RGS6: variants seen among roughly 807,000 people sequenced by gnomAD.
RGS6 encodes the protein regulator of G-protein signaling 6.
A neutral mutation model predicts 78.5 loss-of-function variants in RGS6; 30 were observed. That is an observed-to-expected ratio of 0.38 (90% CI 0.29 to 0.52). The LOEUF (loss-of-function observed/expected upper bound fraction) is 0.52. RGS6 is among the 20% of genes least tolerant of loss of function. The pLI, the probability that RGS6 is intolerant of heterozygous loss-of-function variation, is 0.85. For missense variants in RGS6, 495 were observed against 609.7 expected (o/e 0.81, Z 1.98); for synonymous variants, 206 against 206.0 (o/e 1.00, Z 0.00).
At chr14:72,545,687 G>A (rs1248940352) in intron 17 of RGS6, among the ~76,000 whole-genome samples, 1 of 152,186 alleles carries the variant, frequency 6.6e-6, no homozygotes, top group Non-Finnish European at 1.5e-5. Flanking sequence ...GGATAGACTT[G>A]AGTTGGGTGT....
At chr14:72,458,474 G>GCTACTCCCTC in intron 5 of RGS6, 97 bp downstream of exon 5, 5 of 930,942 alleles carry the variant, frequency 5.4e-6, no homozygotes, top group Non-Finnish European at 8.4e-6. Flanking sequence ...ATATCTGAGG[G>GCTACTCCCTC]AGTAGCCCTC....
At chr14:72,522,091 C>G (rs2031978890) in intron 15 of RGS6, among the ~76,000 whole-genome samples, 2 of 152,294 alleles carry the variant, frequency 1.3e-5, no homozygotes, top group African/African-American at 4.8e-5. Context: ...ATAGCACACA[C>G]TGGGTGGCTT....
intron 3 of RGS6, among the ~76,000 whole-genome samples, chr14:72,398,507 T>C (rs1368042006): frequency 6.6e-6 from 1 of 152,222 alleles, no homozygotes. Flanking sequence ...AACCAGCTCC[T>C]GGATTCATTG....
the RGS6 span, among the ~76,000 whole-genome samples, chr14:72,609,408 C>T: frequency 2.0e-5 from 3 of 152,210 alleles, no homozygotes; most frequent in African/African-American, 7.2e-5. Flanking sequence ...TGCTTCCAAT[C>T]TGTAGGTTCT....
chr14:72,054,491 G>C (rs1215892947), intron 2 of RGS6, among the ~76,000 whole-genome samples: 1 of 152,092 alleles, frequency 6.6e-6, no homozygotes, highest in African/African-American at 2.4e-5. Flanking sequence ...ATCATTGAAC[G>C]TCCCTTGAAT....
At chr14:72,540,669 C>G in intron 17 of RGS6, 2 of 1,388,604 alleles carry the variant, frequency 1.4e-6, no homozygotes, top group Non-Finnish European at 1.9e-6. Context: ...GCATGAGTCC[C>G]TTCCAGCCCC....
chr14:72,132,567 C>T (rs557313247), intron 2 of RGS6, among the ~76,000 whole-genome samples: 28 of 152,182 alleles, frequency 1.8e-4, no homozygotes, highest in Non-Finnish European at 3.8e-4. Flanking sequence ...ACATGAGCCA[C>T]CACGCCTGGC....
chr14:72,113,103 TGCACACACAC>T (rs533895202), intron 2 of RGS6, among the ~76,000 whole-genome samples: 159 of 152,152 alleles, frequency 1.0e-3, no homozygotes, highest in African/African-American at 3.8e-3. Flanking sequence ...TGCACACACA[TGCACACACAC>T]ACCCCACTTC....
In RGS6 at chr14:72,068,945, GTTTA is replaced by G. The variant is rs573398601; in HGVS notation, c.84+104073_84+104076del. On this transcript the variant is annotated intron_variant, in intron 2 of 17. Coordinates refer to ENST00000553525, the MANE Select transcript of RGS6 (RefSeq NM_001204424.2). ...GGATTTCTTCTCTTTTATACTTTCT[GTTTA>G]TTCTACTTTTGTTTCTTTCTCTTGT... Among the ~76,000 whole-genome samples the G allele has an allele frequency of 9.9e-5, 15 of 151,566 alleles. No homozygotes were observed. The South Asian group carries it at 2.7e-3, about 27-fold the overall frequency.
At chr14:72,004,291 A>G (rs2084087917) in intron 2 of RGS6, among the ~76,000 whole-genome samples, 1 of 152,202 alleles carries the variant, frequency 6.6e-6, no homozygotes, top group African/African-American at 2.4e-5. Context: ...AAAAAATATG[A>G]ATGGATGGTG....
At chr14:72,018,507 C>T (rs1215769748) in intron 2 of RGS6, among the ~76,000 whole-genome samples, 4 of 152,162 alleles carry the variant, frequency 2.6e-5, no homozygotes, top group South Asian at 2.1e-4. Context: ...TGGGCATTTC[C>T]GGACCATATA....
At chr14:72,319,735 G>A (rs8018927) in intron 2 of RGS6, among the ~76,000 whole-genome samples, 4 of 152,068 alleles carry the variant, frequency 2.6e-5, no homozygotes, top group Non-Finnish European at 4.4e-5. Context: ...TAGAGGATAT[G>A]ATGGGCAGGA....
At chr14:72,346,684 G>A (rs144108840) in intron 2 of RGS6, among the ~76,000 whole-genome samples, 20 of 152,320 alleles carry the variant, frequency 1.3e-4, no homozygotes, top group Non-Finnish European at 2.5e-4. Context: ...CTGTAGGGAT[G>A]AGAAAAGTGA....
chr14:72,209,375 T>C (rs1290413913), intron 2 of RGS6, among the ~76,000 whole-genome samples: 1 of 145,788 alleles, frequency 6.9e-6, no homozygotes, highest in African/African-American at 2.5e-5. Flanking sequence ...GTTTTATAAA[T>C]TTATAAATGT....
At chr14:72,552,036 T>C (rs1464877126) in intron 17 of RGS6, among the ~76,000 whole-genome samples, 1 of 152,240 alleles carries the variant, frequency 6.6e-6, no homozygotes, top group East Asian at 1.9e-4. Context: ...TTGCAGCTCA[T>C]ACTTAGGCTG....
chr14:72,394,329 G>A (rs1175204641), intron 3 of RGS6, among the ~76,000 whole-genome samples: 2 of 152,230 alleles, frequency 1.3e-5, no homozygotes, highest in East Asian at 1.9e-4. Flanking sequence ...GGGTCACAGA[G>A]ATCACATGCT....
In RGS6 at chr14:72,140,174, C is replaced by G. The variant is rs140204775; in HGVS notation, c.84+175299C>G. ...GGTTTTTGTAGAAGGTGGCGAGAAG[C>G]TTCATGGGCACCAGCATCCACAACC... On this transcript the variant is annotated intron_variant, in intron 2 of 17. Transcript: ENST00000553525. 3.7e-3 allele frequency among the ~76,000 whole-genome samples: 571 copies of G among 152,276 alleles called. 4 individuals are homozygous for G. The highest frequency in any genetic ancestry group is 0.013 in the African/African-American group (551 of 41,558).
At chr14:72,300,228 A>G (rs1430916298) in intron 2 of RGS6, among the ~76,000 whole-genome samples, 1 of 152,064 alleles carries the variant, frequency 6.6e-6, no homozygotes, top group Middle Eastern at 3.4e-3. Context: ...GAACTGCTTT[A>G]ACATAGATTT....
chr14:72,422,714 A>G (rs1457615904), intron 3 of RGS6, among the ~76,000 whole-genome samples: 2 of 152,176 alleles, frequency 1.3e-5, no homozygotes, highest in African/African-American at 4.8e-5. Flanking sequence ...AGGGCCAAGC[A>G]CAGTGGTGAC....
Sources: gnomAD v4.1 joint callset for allele counts (sites outside exome capture counted in the v4.1 genomes callset) on GRCh38, gnomAD v4.1.1 for gene constraint, MANE v1.5 for transcripts, NCBI Gene and HGNC (gene_info 2026-07-23, HGNC 2026-07-21) for gene names.